The following ATE1 variants were observed in gnomAD, a reference collection of about 807,000 sequenced individuals.
ATE1 encodes the protein arginyltransferase 1.
In ATE1, 36 loss-of-function variants were observed where a neutral mutation model predicts 70.5. The ratio of observed to expected loss-of-function variants is 0.51; its 90% CI spans 0.39 to 0.67. The LOEUF (loss-of-function observed/expected upper bound fraction) is 0.67, where lower values mean the gene tolerates loss of function less well. ATE1 is among the 30% of genes least tolerant of loss of function. ATE1 has a pLI of 0.00. For synonymous variants in ATE1, 232 were observed against 219.3 expected (o/e 1.06, Z -0.51); for missense variants, 593 against 629.5 (o/e 0.94, Z 0.62).
intron 11 of ATE1, among the ~76,000 whole-genome samples, chr10:121,786,228 T>G (rs1946203864): frequency 7.8e-6 from 1 of 128,296 alleles, no homozygotes; most frequent in East Asian, 2.1e-4. Flanking sequence ...TTTTTTTTTT[T>G]TTTTGTAAAT....
chr10:121,917,755 G>A (rs1951717966), intron 3 of ATE1, among the ~76,000 whole-genome samples: 1 of 152,166 alleles, frequency 6.6e-6, no homozygotes, highest in Non-Finnish European at 1.5e-5. Context: ...AGGGGAACAG[G>A]AAATGGGACA....
chr10:121,783,419 G>A (rs894271387), intron 11 of ATE1, among the ~76,000 whole-genome samples: 5 of 152,096 alleles, frequency 3.3e-5, no homozygotes, highest in Non-Finnish European at 5.9e-5. Context: ...GTATTATAGT[G>A]TACAGGCTGA....
chr10:121,816,377 T>A (rs535192898), intron 10 of ATE1, among the ~76,000 whole-genome samples: 27 of 152,336 alleles, frequency 1.8e-4, no homozygotes, highest in African/African-American at 6.5e-4. Context: ...TGTAGTGGTA[T>A]TAAGAGGTGT....
At chr10:121,906,371 T>C (rs565878150) in intron 5 of ATE1, among the ~76,000 whole-genome samples, 5 of 152,034 alleles carry the variant, frequency 3.3e-5, no homozygotes, top group Admixed American at 2.0e-4. Flanking sequence ...CTACTAAAAA[T>C]ACAAAAAATT....
chr10:121,782,007 G>A (rs1946012912), intron 11 of ATE1, among the ~76,000 whole-genome samples: 1 of 151,978 alleles, frequency 6.6e-6, no homozygotes. Context: ...ATACCTTCAG[G>A]TTATAGCTTA....
intron 5 of ATE1, among the ~76,000 whole-genome samples, chr10:121,904,246 T>C (rs1951098850): frequency 6.6e-6 from 1 of 151,764 alleles, no homozygotes; most frequent in Admixed American, 6.6e-5. Flanking sequence ...CCTCCCAAAG[T>C]GCTAGGATTA....
At chr10:121,881,767 T>G (rs1351871504) in intron 7 of ATE1, among the ~76,000 whole-genome samples, 1 of 151,848 alleles carries the variant, frequency 6.6e-6, no homozygotes, top group African/African-American at 2.4e-5. Context: ...TGAATCAACA[T>G]ATTAAAAATT....
intron 11 of ATE1, among the ~76,000 whole-genome samples, chr10:121,751,502 C>T (rs1944577974): frequency 6.6e-6 from 1 of 152,206 alleles, no homozygotes; most frequent in Admixed American, 6.5e-5. Flanking sequence ...AGGTTGCAGC[C>T]TTCTTAGTCG....
intron 8 of ATE1, among the ~76,000 whole-genome samples, chr10:121,846,269 C>A (rs1948818262): frequency 6.6e-6 from 1 of 151,940 alleles, no homozygotes; most frequent in African/African-American, 2.4e-5. Flanking sequence ...CTTTATAATC[C>A]CAAGTATGAG....
chr10:121,754,329 A>G (rs1253823098), intron 11 of ATE1, among the ~76,000 whole-genome samples: 2 of 152,214 alleles, frequency 1.3e-5, no homozygotes, highest in African/African-American at 4.8e-5. Context: ...TGAGTCAGAG[A>G]AAGTATAAGA....
chr10:121,804,827 G>A (rs1441915898), intron 10 of ATE1, among the ~76,000 whole-genome samples: 1 of 151,570 alleles, frequency 6.6e-6, no homozygotes, highest in East Asian at 1.9e-4. Flanking sequence ...CCACATTTTG[G>A]CCAGTGGGAG....
chr10:121,760,369 C>T (rs1270030641), intron 11 of ATE1, among the ~76,000 whole-genome samples: 2 of 152,200 alleles, frequency 1.3e-5, no homozygotes, highest in Non-Finnish European at 2.9e-5. Context: ...ATTCTAAATG[C>T]CATTCAGAAC....
At chr10:121,812,755 G>A (rs572235996) in intron 10 of ATE1, among the ~76,000 whole-genome samples, 74 of 152,170 alleles carry the variant, frequency 4.9e-4, no homozygotes, top group African/African-American at 1.7e-3. Context: ...TCAAAACTCC[G>A]TGTAGCTAAA....
intron 7 of ATE1, among the ~76,000 whole-genome samples, chr10:121,871,319 T>C (rs1949850585): frequency 6.6e-6 from 1 of 151,938 alleles, no homozygotes; most frequent in South Asian, 2.1e-4. Flanking sequence ...ATTAGCTGTG[T>C]GTGGTAGTGG....
At chr10:121,896,808 A>G (rs868094677) in intron 7 of ATE1, among the ~76,000 whole-genome samples, 49 of 133,274 alleles carry the variant, frequency 3.7e-4, no homozygotes, top group African/African-American at 1.4e-3. Context: ...TGGGAGACAG[A>G]GCAAGACTTT....
intron 6 of ATE1, among the ~76,000 whole-genome samples, chr10:121,900,680 A>C (rs112137380): frequency 6.6e-6 from 1 of 152,342 alleles, no homozygotes; most frequent in African/African-American, 2.4e-5. Context: ...CAATGCAATG[A>C]AAACAGCTGG....
At chr10:121,785,240 C>A (rs1278824764) in intron 11 of ATE1, among the ~76,000 whole-genome samples, 3 of 152,146 alleles carry the variant, frequency 2.0e-5, no homozygotes, top group Non-Finnish European at 4.4e-5. Context: ...CTGAATTCTG[C>A]ATCTAAAATA....
At chr10:121,803,793 T>G (rs1400667703) in intron 10 of ATE1, among the ~76,000 whole-genome samples, 1 of 152,224 alleles carries the variant, frequency 6.6e-6, no homozygotes, top group African/African-American at 2.4e-5. Flanking sequence ...GTCTGTTTAA[T>G]TACACCCCTG....
chr10:121,927,123 C>T (rs1952124115), intron 1 of ATE1: 1 of 985,274 alleles, frequency 1.0e-6, no homozygotes, highest in South Asian at 4.7e-5. Flanking sequence ...GAAATAAACA[C>T]GATGTTTTGT....
Sources: allele counts gnomAD v4.1 joint callset (sites outside exome capture counted in the v4.1 genomes callset), GRCh38; gene constraint gnomAD v4.1.1; transcripts MANE v1.5; gene names NCBI Gene and HGNC (gene_info 2026-07-23, HGNC 2026-07-21).